Variants in NRXN1 observed in about 807,000 individuals in gnomAD.
NRXN1 encodes the protein neurexin 1, also known as neurexin-1.
A neutral mutation model predicts 150.9 loss-of-function variants in NRXN1; 39 were observed. That is an observed-to-expected ratio of 0.26 (90% CI 0.20 to 0.34). The LOEUF is 0.34. NRXN1 is among the 10% of genes least tolerant of loss of function. The pLI is 1.00. For synonymous variants in NRXN1, 924 were observed against 757.0 expected (o/e 1.22, Z -3.62); for missense variants, 1,815 against 1,949.9 (o/e 0.93, Z 1.30).
intron 21 of NRXN1, among the ~76,000 whole-genome samples, chr2:50,037,324 A>T (rs529871510): frequency 1.9e-4 from 10 of 53,406 alleles, no homozygotes; most frequent in Non-Finnish European, 3.1e-4. Flanking sequence ...TATAAAAAAA[A>T]TTTTTGAAGT....
intron 18 of NRXN1, among the ~76,000 whole-genome samples, chr2:50,171,109 A>T (rs2060003564): frequency 6.6e-6 from 1 of 152,138 alleles, no homozygotes; most frequent in African/African-American, 2.4e-5. Flanking sequence ...TCAACTTCAC[A>T]TTCAGTAGGC....
intron 22 of NRXN1, among the ~76,000 whole-genome samples, chr2:49,929,476 G>GCTTACTCCAGCACCATGGTC (rs1190519163): frequency 2.0e-5 from 3 of 152,022 alleles, no homozygotes; most frequent in African/African-American, 7.3e-5. Context: ...CTATTATGGT[G>GCTTACTCCAGCACCATGGTC]CTTACTCCAG....
At chr2:51,004,628 C>G (rs1285262855) in intron 2 of NRXN1, among the ~76,000 whole-genome samples, 1 of 151,706 alleles carries the variant, frequency 6.6e-6, no homozygotes, top group Admixed American at 6.6e-5. Context: ...GGACGACACA[C>G]CAAGACTCCG....
chr2:50,232,245 A>G (rs926229859), intron 18 of NRXN1, among the ~76,000 whole-genome samples: 1 of 152,104 alleles, frequency 6.6e-6, no homozygotes, highest in Non-Finnish European at 1.5e-5. Flanking sequence ...CAACCAGCTC[A>G]TTTATTTTTG....
At chr2:50,877,291 A>G (rs1678747218) in intron 5 of NRXN1, among the ~76,000 whole-genome samples, 1 of 151,936 alleles carries the variant, frequency 6.6e-6, no homozygotes, top group South Asian at 2.1e-4. Flanking sequence ...AAAAAGTTAA[A>G]CAAAGATAGA....
intron 5 of NRXN1, among the ~76,000 whole-genome samples, chr2:50,872,255 CA>C (rs1375698314): frequency 6.6e-6 from 1 of 151,660 alleles, no homozygotes; most frequent in Non-Finnish European, 1.5e-5. Flanking sequence ...GATGTGAGAC[CA>C]AAAGATGAAC....
intron 5 of NRXN1, among the ~76,000 whole-genome samples, chr2:50,684,494 C>T (rs888445784): frequency 6.6e-6 from 1 of 151,836 alleles, no homozygotes; most frequent in African/African-American, 2.4e-5. Context: ...AGAGCAAGAT[C>T]CTGTCTCAAA....
At chr2:50,979,249 G>T (rs1461637599) in intron 2 of NRXN1, 1 of 517,764 alleles carries the variant, frequency 1.9e-6, no homozygotes, top group Non-Finnish European at 3.9e-6. Context: ...CTCCAGCTAA[G>T]ATAAACAGAT....
At chr2:50,412,495 T>A (rs2083263831) in intron 17 of NRXN1, among the ~76,000 whole-genome samples, 1 of 152,136 alleles carries the variant, frequency 6.6e-6, no homozygotes, top group African/African-American at 2.4e-5. Flanking sequence ...CCTTCATTTT[T>A]AATTTATAAA....
chr2:50,951,053 T>C (rs539268499), intron 2 of NRXN1, among the ~76,000 whole-genome samples: 18 of 152,306 alleles, frequency 1.2e-4, no homozygotes, highest in Non-Finnish European at 2.2e-4. Context: ...GGTCCCTGTA[T>C]GTCAGTAGTA....
intron 18 of NRXN1, among the ~76,000 whole-genome samples, chr2:50,156,758 C>CAAAAA (rs2059045650): frequency 6.6e-6 from 1 of 151,884 alleles, no homozygotes; most frequent in Non-Finnish European, 1.5e-5. Flanking sequence ...CTACCCTTTT[C>CAAAAA]CTAAAACATC....
At chr2:50,511,461 G>C (rs1373303994) in intron 12 of NRXN1, among the ~76,000 whole-genome samples, 1 of 152,188 alleles carries the variant, frequency 6.6e-6, no homozygotes, top group Non-Finnish European at 1.5e-5. Context: ...AAGTCTGTCA[G>C]TGCTTGTCAA....
chr2:50,079,158 G>C (rs2152681495), intron 19 of NRXN1, among the ~76,000 whole-genome samples: 1 of 151,718 alleles, frequency 6.6e-6, no homozygotes, highest in East Asian at 1.9e-4. Flanking sequence ...TTACTCTTTT[G>C]GTTATAATCA....
intron 17 of NRXN1, among the ~76,000 whole-genome samples, chr2:50,367,037 C>A (rs995969788): frequency 6.6e-6 from 1 of 151,940 alleles, no homozygotes. Context: ...GGCCTCCAGG[C>A]GTCTGGGAGA....
At chr2:50,905,937 G>C (rs115983830) in intron 5 of NRXN1, among the ~76,000 whole-genome samples, 1 of 152,078 alleles carries the variant, frequency 6.6e-6, no homozygotes, top group East Asian at 1.9e-4. Flanking sequence ...GATTTAGACA[G>C]TCTATTAAAT....
intron 5 of NRXN1, among the ~76,000 whole-genome samples, chr2:50,624,291 T>C (rs994781199): frequency 2.6e-5 from 4 of 152,024 alleles, no homozygotes; most frequent in Middle Eastern, 3.2e-3. Context: ...TTCAATTAAT[T>C]TTTCAGTATC....
intron 15 of NRXN1, 138 bp downstream of exon 15, chr2:50,495,767 A>G (rs1009568872): frequency 4.8e-6 from 3 of 619,340 alleles, no homozygotes; most frequent in Admixed American, 3.6e-5. Context: ...TGTGTGTTGT[A>G]TTGTTAATTA....
intron 5 of NRXN1, among the ~76,000 whole-genome samples, chr2:50,627,470 G>C (rs1681353820): frequency 6.6e-6 from 1 of 150,410 alleles, no homozygotes; most frequent in African/African-American, 2.4e-5. Flanking sequence ...AGATACAGAG[G>C]TCACTAAAGG....
intron 5 of NRXN1, among the ~76,000 whole-genome samples, chr2:50,684,404 A>G (rs988562466): frequency 6.6e-6 from 1 of 152,080 alleles, no homozygotes; most frequent in Non-Finnish European, 1.5e-5. Flanking sequence ...TAGGAGGCTA[A>G]GGTGGGAAGA....
Sources: allele counts gnomAD v4.1 joint callset (sites outside exome capture counted in the v4.1 genomes callset), GRCh38; gene constraint gnomAD v4.1.1; transcripts MANE v1.5; gene names NCBI Gene and HGNC (gene_info 2026-07-23, HGNC 2026-07-21).